The following ROBO2 variants were observed in gnomAD, a reference collection of about 807,000 sequenced individuals.
ROBO2 encodes roundabout homolog 2.
Under a neutral mutation model 160.8 loss-of-function variants are expected in ROBO2, and 53 were observed. The observed-to-expected ratio is 0.33, with a 90% CI of 0.26 to 0.41. The LOEUF (loss-of-function observed/expected upper bound fraction) is 0.41, where lower values mean the gene tolerates loss of function less well. Among genes scored for constraint, ROBO2 ranks in the 10% least tolerant of loss-of-function variants. The pLI, the probability that ROBO2 is intolerant of heterozygous loss-of-function variation, is 1.00. For synonymous variants in ROBO2, 664 were observed against 611.7 expected (o/e 1.09, Z -1.26); for missense variants, 1,577 against 1,722.4 (o/e 0.92, Z 1.49).
intron 2 of ROBO2, among the ~76,000 whole-genome samples, chr3:77,357,625 A>T (rs377121677): frequency 6.6e-6 from 1 of 152,214 alleles, no homozygotes; most frequent in Non-Finnish European, 1.5e-5. Context: ...AATCTTATTC[A>T]TGGTCACCCA....
intron 2 of ROBO2, among the ~76,000 whole-genome samples, chr3:76,432,708 A>G (rs2076490632): frequency 6.6e-6 from 1 of 152,122 alleles, no homozygotes; most frequent in African/African-American, 2.4e-5. Context: ...GAAGAAATGT[A>G]CCCTTACTAT....
chr3:77,053,860 G>A (rs150767680), intron 1 of ROBO2, among the ~76,000 whole-genome samples: 4 of 152,226 alleles, frequency 2.6e-5, no homozygotes, highest in African/African-American at 4.8e-5. Context: ...AGGGCCCTGG[G>A]GATAAGTACA....
chr3:76,257,828 T>A (rs1374754771), intron 2 of ROBO2, among the ~76,000 whole-genome samples: 2 of 152,178 alleles, frequency 1.3e-5, no homozygotes, highest in Non-Finnish European at 2.9e-5. Context: ...ATCCTCCATA[T>A]GTTCATAAGT....
At chr3:76,809,607 A>G (rs569467930) in intron 2 of ROBO2, among the ~76,000 whole-genome samples, 4 of 152,302 alleles carry the variant, frequency 2.6e-5, no homozygotes, top group Non-Finnish European at 5.9e-5. Flanking sequence ...AAATATTGGT[A>G]TCGCCTTAGG....
In ROBO2 at chr3:76,129,901, T is replaced by C. The variant is rs1488414854; in HGVS notation, c.109+192299T>C. Among the ~76,000 whole-genome samples the C allele has an allele frequency of 3.3e-5, 5 of 152,054 alleles. No homozygotes were observed. The East Asian group carries it at 9.7e-4, about 29-fold the overall frequency. On this transcript the variant is annotated intron_variant, in intron 2 of 26. Transcript: ENST00000487694. ...AACTCTAGATCATTTTGATATATTT[T>C]AGTTGAAAGTTTTCTCTCATGCTGA...
chr3:76,663,955 A>G (rs1575802101), intron 2 of ROBO2, among the ~76,000 whole-genome samples: 1 of 152,018 alleles, frequency 6.6e-6, no homozygotes, highest in East Asian at 1.9e-4. Context: ...TAGAACTGAC[A>G]ATTGTTGATG....
chr3:76,224,775 A>T (rs1010943793), intron 2 of ROBO2, among the ~76,000 whole-genome samples: 2 of 152,066 alleles, frequency 1.3e-5, no homozygotes, highest in African/African-American at 4.8e-5. Flanking sequence ...CCCTTTCCTT[A>T]TTCCAGTCAC....
chr3:77,110,311 C>T (rs753357315), intron 2 of ROBO2, among the ~76,000 whole-genome samples: 8 of 152,076 alleles, frequency 5.3e-5, no homozygotes, highest in Non-Finnish European at 8.8e-5. Context: ...CTTTAGGATA[C>T]TTTCTGGAGT....
At chr3:77,549,259 G>A (rs2092822815) in intron 7 of ROBO2, among the ~76,000 whole-genome samples, 1 of 151,954 alleles carries the variant, frequency 6.6e-6, no homozygotes, top group South Asian at 2.1e-4. Context: ...AGAGAATAAA[G>A]CCCATCTGAT....
At chr3:77,085,975 A>G (rs2069248430) in intron 1 of ROBO2, among the ~76,000 whole-genome samples, 1 of 152,080 alleles carries the variant, frequency 6.6e-6, no homozygotes, top group Admixed American at 6.6e-5. Context: ...GTTATCTCTA[A>G]ACTTATAATG....
At chr3:76,349,777 T>G (rs924291934) in intron 2 of ROBO2, among the ~76,000 whole-genome samples, 6 of 152,048 alleles carry the variant, frequency 3.9e-5, no homozygotes, top group Admixed American at 3.9e-4. Flanking sequence ...ATCATTTTTC[T>G]TGTGTCAGTG....
intron 2 of ROBO2, among the ~76,000 whole-genome samples, chr3:77,246,411 A>G (rs1247971581): frequency 6.6e-6 from 1 of 151,302 alleles, no homozygotes; most frequent in Non-Finnish European, 1.5e-5. Flanking sequence ...GGAAAATTTA[A>G]TCCTGAGATT....
At chr3:76,517,585 C>T (rs543853275) in intron 2 of ROBO2, among the ~76,000 whole-genome samples, 3 of 152,124 alleles carry the variant, frequency 2.0e-5, no homozygotes, top group East Asian at 1.9e-4. Flanking sequence ...AAATGTAAAA[C>T]GATGTTTATC....
chr3:76,233,771 C>T (rs1252774903), intron 2 of ROBO2, among the ~76,000 whole-genome samples: 1 of 152,186 alleles, frequency 6.6e-6, no homozygotes, highest in Non-Finnish European at 1.5e-5. Context: ...TAGATTCAAA[C>T]AATTCATAAA....
intron 2 of ROBO2, among the ~76,000 whole-genome samples, chr3:76,173,202 G>T (rs67833942): frequency 0.37 from 51,345 of 140,556 alleles, 9,992 homozygotes; most frequent in Non-Finnish European, 0.44. Flanking sequence ...AGGATTTAAT[G>T]GTAATATATA....
chr3:76,665,857 A>G (rs2091998447), intron 2 of ROBO2, among the ~76,000 whole-genome samples: 1 of 144,406 alleles, frequency 6.9e-6, no homozygotes, highest in African/African-American at 2.6e-5. Flanking sequence ...GTGTGATTGT[A>G]CGTGTATGTA....
At chr3:76,909,849 C>A (rs1417034563) in intron 2 of ROBO2, among the ~76,000 whole-genome samples, 1 of 152,200 alleles carries the variant, frequency 6.6e-6, no homozygotes, top group Non-Finnish European at 1.5e-5. Flanking sequence ...TACATTTCTT[C>A]TCCTTGTCAT....
At chr3:77,542,327 C>CGG (rs2092503726) in intron 6 of ROBO2, among the ~76,000 whole-genome samples, 3 of 152,174 alleles carry the variant, frequency 2.0e-5, no homozygotes, top group Non-Finnish European at 4.4e-5. Flanking sequence ...TGTGTATTTT[C>CGG]ACAGACTTGA....
At chr3:76,332,367 T>A (rs2073555967) in intron 2 of ROBO2, among the ~76,000 whole-genome samples, 1 of 152,236 alleles carries the variant, frequency 6.6e-6, no homozygotes, top group South Asian at 2.1e-4. Context: ...TCATGTATTT[T>A]CAGCAAAGTA....
Sources: gnomAD v4.1 joint callset for allele counts (sites outside exome capture counted in the v4.1 genomes callset) on GRCh38, gnomAD v4.1.1 for gene constraint, MANE v1.5 for transcripts, NCBI Gene and HGNC (gene_info 2026-07-23, HGNC 2026-07-21) for gene names.